Variants in SMARCC1 observed in about 807,000 individuals in gnomAD.
SMARCC1 encodes SWI/SNF complex subunit SMARCC1.
In SMARCC1, 43 loss-of-function variants were observed where a neutral mutation model predicts 147.4. The observed-to-expected ratio is 0.29, with a 90% CI of 0.23 to 0.38. The LOEUF (loss-of-function observed/expected upper bound fraction) is 0.38, where lower values mean the gene tolerates loss of function less well. Among genes scored for constraint, SMARCC1 ranks in the 10% least tolerant of loss-of-function variants. The pLI, the probability that SMARCC1 is intolerant of heterozygous loss-of-function variation, is 1.00. For synonymous variants in SMARCC1, 495 were observed against 484.4 expected, an observed-to-expected ratio of 1.02 and a Z score of -0.29; for missense variants, 1,119 against 1,381.1, an observed-to-expected ratio of 0.81 and a Z score of 3.01.
chr3:47,670,010 G>C (rs940888241), intron 19 of SMARCC1, among the ~76,000 whole-genome samples: 1 of 152,168 alleles, frequency 6.6e-6, no homozygotes, highest in Non-Finnish European at 1.5e-5. Flanking sequence ...GACATCTTAG[G>C]ATAAATCCAG....
At chr3:47,634,301 C>A (rs1417848722) in intron 24 of SMARCC1, among the ~76,000 whole-genome samples, 2 of 152,158 alleles carry the variant, frequency 1.3e-5, no homozygotes, top group African/African-American at 4.8e-5. Flanking sequence ...TCCCTAACCT[C>A]CATTGTCTCT....
At chr3:47,702,644 G>A (rs1314713296) in intron 10 of SMARCC1, among the ~76,000 whole-genome samples, 2 of 152,216 alleles carry the variant, frequency 1.3e-5, no homozygotes, top group Non-Finnish European at 2.9e-5. Flanking sequence ...TGTTGTCCAA[G>A]CTGGAATGCA....
intron 14 of SMARCC1, among the ~76,000 whole-genome samples, chr3:47,684,727 G>A (rs978186759): frequency 1.3e-5 from 2 of 152,080 alleles, no homozygotes; most frequent in Admixed American, 6.6e-5. Context: ...ACAGGCATAA[G>A]CCACCATGCT....
intron 25 of SMARCC1, among the ~76,000 whole-genome samples, chr3:47,612,228 G>A (rs989484128): frequency 3.3e-5 from 5 of 152,110 alleles, no homozygotes; most frequent in Admixed American, 6.5e-5. Context: ...AAGGTGGGGT[G>A]GGAAATCTAA....
intron 24 of SMARCC1, among the ~76,000 whole-genome samples, chr3:47,626,202 AGT>A (rs2032806796): frequency 6.6e-6 from 1 of 151,838 alleles, no homozygotes; most frequent in Non-Finnish European, 1.5e-5. Flanking sequence ...GCTGGAGTAC[AGT>A]AGCATGATCT....
rs1052058077 is a variant in SMARCC1 at position 47,781,802 on chromosome 3, G to A, written c.-5C>T. On this transcript the variant is annotated 5_prime_UTR_variant, in exon 1 of 28. Transcript: ENST00000254480. Reference sequence around the variant, plus strand: ...GCCGCCCGCCGCTGCGGCCATCGTCGCAGCCCGTCGTCCCCACAGCCTGGC... The same window carrying A: ...GCCGCCCGCCGCTGCGGCCATCGTCACAGCCCGTCGTCCCCACAGCCTGGC... The A allele has an allele frequency of 2.8e-5, 40 of 1,424,390 alleles. No individual in the cohort carries two copies. Among genetic ancestry groups the A allele is most frequent in the Non-Finnish European group, 3.7e-5 (40 of 1,090,316 alleles). 88.2% of individuals were successfully genotyped at this position (1,424,390 alleles called of 1,614,324 possible). A position where few individuals can be genotyped will look rare whatever the true frequency, so the allele number is the denominator to read the frequency against.
chr3:47,680,372 G>A (rs2033627923), intron 15 of SMARCC1, 65 bp downstream of exon 15: 1 of 1,053,160 alleles, frequency 9.5e-7, no homozygotes, highest in Non-Finnish European at 1.5e-6. Context: ...GAACTCAGGT[G>A]GATGCTTGAA....
chr3:47,665,852 C>CTT (rs764505361), intron 19 of SMARCC1, among the ~76,000 whole-genome samples: 5 of 143,148 alleles, frequency 3.5e-5, no homozygotes, highest in South Asian at 2.2e-4. Context: ...CACTCACTCT[C>CTT]TTTTTTTTTT....
chr3:47,615,885 T>C (rs2032635552), intron 25 of SMARCC1, among the ~76,000 whole-genome samples: 1 of 152,142 alleles, frequency 6.6e-6, no homozygotes, highest in Non-Finnish European at 1.5e-5. Flanking sequence ...GGTTTCACAA[T>C]GTTGGCCAGG....
chr3:47,724,941 C>T (rs1324309028), intron 6 of SMARCC1, among the ~76,000 whole-genome samples: 1 of 135,170 alleles, frequency 7.4e-6, no homozygotes, highest in Non-Finnish European at 1.5e-5. Flanking sequence ...GTCCCAGCTA[C>T]TTGGGAGGCT....
intron 26 of SMARCC1, among the ~76,000 whole-genome samples, chr3:47,596,841 G>A (rs557915168): frequency 2.8e-4 from 43 of 152,076 alleles, no homozygotes; most frequent in Admixed American, 5.2e-4. Context: ...GAAAGGAATA[G>A]GAGATGGAGA....
chr3:47,720,160 G>A (rs957890412), intron 7 of SMARCC1, among the ~76,000 whole-genome samples: 2 of 152,114 alleles, frequency 1.3e-5, no homozygotes, highest in Non-Finnish European at 2.9e-5. Flanking sequence ...GTCTCACTCC[G>A]TTGCCCAGGC....
In SMARCC1 at chr3:47,588,083, G is replaced by T; in HGVS notation, c.*126C>A. ...TGGTAAGAGGAGTGGGGAGGCACGG[G>T]ACACGTGCTTGGAGCTGTGAGAAGA... On this transcript the variant is annotated 3_prime_UTR_variant, in exon 28 of 28. Transcript: ENST00000254480. 1 of 727,600 alleles carries T rather than the reference G, an allele frequency of 1.4e-6. No individual in the cohort carries two copies. Among genetic ancestry groups the T allele is most frequent in the Non-Finnish European group, 2.3e-6 (1 of 428,972 alleles). The allele number at this position is 727,600 out of a possible 1,614,324, so 45.1% of individuals were successfully genotyped here.
intron 26 of SMARCC1, among the ~76,000 whole-genome samples, chr3:47,600,119 T>G (rs888317820): frequency 6.6e-6 from 1 of 152,234 alleles, no homozygotes. Flanking sequence ...AAAAGATTCT[T>G]TATCCTATTG....
At chr3:47,721,146 G>A (rs977920124) in intron 6 of SMARCC1, among the ~76,000 whole-genome samples, 1 of 152,108 alleles carries the variant, frequency 6.6e-6, no homozygotes, top group Non-Finnish European at 1.5e-5. Context: ...CTTTCAAGAT[G>A]TAAACCGTAC....
intron 9 of SMARCC1, among the ~76,000 whole-genome samples, chr3:47,709,306 T>C (rs1490733204): frequency 6.6e-6 from 1 of 151,860 alleles, no homozygotes; most frequent in Non-Finnish European, 1.5e-5. Flanking sequence ...GTTTTCATAG[T>C]AAAGTCACAG....
At chr3:47,592,822 G>GTT (rs139189268) in intron 26 of SMARCC1, among the ~76,000 whole-genome samples, 2,814 of 136,498 alleles carry the variant, frequency 0.021, 73 homozygotes, top group Non-Finnish European at 0.03. Flanking sequence ...TGGTAGTCTT[G>GTT]TTTTTTTTTT....
At chr3:47,734,705 A>G (rs1022337990) in intron 5 of SMARCC1, among the ~76,000 whole-genome samples, 71 of 152,212 alleles carry the variant, frequency 4.7e-4, no homozygotes, top group South Asian at 8.3e-4. Flanking sequence ...TCAGAAGAAG[A>G]AGGCTAAGAT....
chr3:47,681,100 T>C (rs1299245105), intron 14 of SMARCC1, among the ~76,000 whole-genome samples: 1 of 152,104 alleles, frequency 6.6e-6, no homozygotes, highest in Non-Finnish European at 1.5e-5. Flanking sequence ...TTTGGGATAA[T>C]ACAACATAAC....
Sources: gnomAD v4.1 joint callset for allele counts (sites outside exome capture counted in the v4.1 genomes callset) on GRCh38, gnomAD v4.1.1 for gene constraint, MANE v1.5 for transcripts, NCBI Gene and HGNC (gene_info 2026-07-23, HGNC 2026-07-21) for gene names.